TRIM58: variants seen among roughly 807,000 people sequenced by gnomAD.
TRIM58 encodes the protein E3 ubiquitin-protein ligase TRIM58.
In TRIM58, 38 loss-of-function variants were observed where a neutral mutation model predicts 34.1. The observed-to-expected ratio is 1.12, with a 90% CI of 0.86 to 1.46. The LOEUF is 1.46. Among genes scored for constraint, TRIM58 ranks in the 40% most tolerant of loss-of-function variants. TRIM58 has a pLI of 0.00. For missense variants in TRIM58, 677 were observed against 642.0 expected, an observed-to-expected ratio of 1.05 and a Z score of -0.59; for synonymous variants, 273 against 275.7, an observed-to-expected ratio of 0.99 and a Z score of 0.10.
chr1:247,864,348 T>A (rs555038308), intron 2 of TRIM58, among the ~76,000 whole-genome samples: 5 of 152,030 alleles, frequency 3.3e-5, no homozygotes, highest in African/African-American at 1.2e-4. Flanking sequence ...GCATTTTGCT[T>A]TGTTACCCAG....
intron 2 of TRIM58, among the ~76,000 whole-genome samples, chr1:247,861,073 C>G (rs552549445): frequency 5.5e-4 from 83 of 152,280 alleles, no homozygotes; most frequent in Middle Eastern, 3.4e-3. Flanking sequence ...AACTTTGTAA[C>G]AGAAGAAGTG....
intron 2 of TRIM58, among the ~76,000 whole-genome samples, chr1:247,863,549 T>TA (rs1037833756): frequency 1.0e-4 from 15 of 144,752 alleles, no homozygotes; most frequent in Non-Finnish European, 1.2e-4. Context: ...AAAAAAAGAT[T>TA]AAAAAAAAAA....
rs1051252964 is a variant in TRIM58 at position 247,879,752 on chromosome 1, C to T, written c.*3263C>T. On this transcript the variant is annotated 3_prime_UTR_variant, in exon 6 of 6. Transcript: ENST00000366481. ...TTCCCCGCCTGTGGCTTCTGCTTGA[C>T]ATTCCCTTTTCCCTGATATCCCCTT... Among the ~76,000 whole-genome samples, 4 of 151,448 alleles carry T rather than the reference C, an allele frequency of 2.6e-5. No homozygotes were observed. Among genetic ancestry groups the T allele is most frequent in the African/African-American group, 9.7e-5 (4 of 41,206 alleles).
chr1:247,863,997 A>G (rs889394877), intron 2 of TRIM58, among the ~76,000 whole-genome samples: 1 of 152,128 alleles, frequency 6.6e-6, no homozygotes, highest in African/African-American at 2.4e-5. Context: ...TCTTATTCAA[A>G]CAAACATTTC....
In TRIM58 at chr1:247,857,596, T is replaced by A; in HGVS notation, c.350T>A (p.Val117Glu). 2 of 1,261,688 alleles carry A rather than the reference T, an allele frequency of 1.6e-6. No homozygotes were observed. The highest frequency in any genetic ancestry group is 2.0e-6 in the Non-Finnish European group (2 of 1,007,062). The allele number at this position is 1,261,688 out of a possible 1,614,324, so 78.2% of individuals were successfully genotyped here. ...GAGGACGAGGCGGCGCTGTGCTGGG[T>A]GTGCGACGCCGGCCCCGAGCACAGG... ...CEEDEAALCW[V>E]CDAGPEHRTH... The change falls in exon 1 of 6, where the codon GTG (valine) becomes GAG (glutamate). Residue 117 changes from valine to glutamate, a missense_variant. Physicochemically the swap from Val to Glu is moderately radical, Grantham distance 121 (BLOSUM62 -2). Transcript: ENST00000366481.
rs541617941 is a variant in TRIM58 at position 247,877,837 on chromosome 1, T to C, written c.*1348T>C. 6.6e-6 allele frequency: 1 copy of C among 152,292 alleles called. No homozygotes were observed. Among genetic ancestry groups the C allele is most frequent in the African/African-American group, 2.4e-5 (1 of 41,564 alleles). 9.4% of individuals were successfully genotyped at this position (152,292 alleles called of 1,614,324 possible). On this transcript the variant is annotated 3_prime_UTR_variant, in exon 6 of 6. Transcript: ENST00000366481. The stretch of plus-strand genomic sequence containing the variant: ...GGTTAAAAGTCATTGAAGGCTAACC[T>C]TACTGCCTTCTTTGTATCACTGTCT...
At chr1:247,872,574 T>C (rs1659163391) in intron 5 of TRIM58, among the ~76,000 whole-genome samples, 1 of 152,172 alleles carries the variant, frequency 6.6e-6, no homozygotes, top group Non-Finnish European at 1.5e-5. Context: ...CGATGAGTGC[T>C]AAATATTCAA....
chr1:247,863,396 G>C (rs1214850568), intron 2 of TRIM58, among the ~76,000 whole-genome samples: 1 of 151,932 alleles, frequency 6.6e-6, no homozygotes, highest in Non-Finnish European at 1.5e-5. Context: ...AAATTAGCTG[G>C]GCATGGTGCT....
chr1:247,866,462 C>T (rs528376131), intron 3 of TRIM58, among the ~76,000 whole-genome samples: 2 of 152,310 alleles, frequency 1.3e-5, no homozygotes, highest in African/African-American at 4.8e-5. Context: ...GGATTAAAGG[C>T]GTGAGCCCCT....
rs1043128171 is a variant in TRIM58 at position 247,879,194 on chromosome 1, C to A, written c.*2705C>A. Reference sequence around the variant, plus strand: ...CAGGCTTCTCCCTGTCACTGGATGGCAACTCCATTCTTTTGATTGCTTAAG... The same window carrying A: ...CAGGCTTCTCCCTGTCACTGGATGGAAACTCCATTCTTTTGATTGCTTAAG... On this transcript the variant is annotated 3_prime_UTR_variant, in exon 6 of 6. Coordinates refer to ENST00000366481, the MANE Select transcript of TRIM58 (RefSeq NM_015431.4). Among the ~76,000 whole-genome samples the A allele has an allele frequency of 2.6e-5, 4 of 152,196 alleles. No individual in the cohort carries two copies. Among genetic ancestry groups the A allele is most frequent in the Non-Finnish European group, 5.9e-5 (4 of 68,032 alleles).
intron 1 of TRIM58, among the ~76,000 whole-genome samples, chr1:247,860,164 A>T (rs1233036518): frequency 1.3e-5 from 2 of 152,214 alleles, no homozygotes; most frequent in Non-Finnish European, 2.9e-5. Flanking sequence ...TGTATCTGGT[A>T]TTAAAATACA....
chr1:247,864,451 A>G (rs543813141), intron 2 of TRIM58, among the ~76,000 whole-genome samples: 6 of 152,244 alleles, frequency 3.9e-5, no homozygotes, highest in African/African-American at 1.4e-4. Flanking sequence ...TTCAGTATAA[A>G]AGTGCCTTGC....
chr1:247,861,160 A>T (rs1663783557), intron 2 of TRIM58, among the ~76,000 whole-genome samples: 2 of 152,090 alleles, frequency 1.3e-5, no homozygotes, highest in South Asian at 4.1e-4. Context: ...CTATACATAC[A>T]CATATTCCAT....
At chr1:247,865,377 A>G (rs1482716792) in intron 3 of TRIM58, among the ~76,000 whole-genome samples, 1 of 152,224 alleles carries the variant, frequency 6.6e-6, no homozygotes, top group Non-Finnish European at 1.5e-5. Context: ...CTGCTGGCTG[A>G]GAAGTAATTC....
At chr1:247,861,617 T>C (rs1391556005) in intron 2 of TRIM58, among the ~76,000 whole-genome samples, 7 of 152,090 alleles carry the variant, frequency 4.6e-5, no homozygotes. Context: ...TCCTATTCTT[T>C]CTCCTTTTCC....
At chr1:247,863,744 C>G (rs1259651051) in intron 2 of TRIM58, among the ~76,000 whole-genome samples, 1 of 152,154 alleles carries the variant, frequency 6.6e-6, no homozygotes, top group Non-Finnish European at 1.5e-5. Context: ...ATATACTTAT[C>G]TTGAGAGAAG....
In TRIM58 at chr1:247,860,725, T is replaced by C; in HGVS notation, c.516+13T>C. ...TGTCATTTGGAAGGTAAGACCATGT[T>C]GGGGCTTTAGGAGGCTTGCCTGTTT... On this transcript the variant is annotated intron_variant, in intron 2 of 5. Transcript: ENST00000366481. The C allele has an allele frequency of 6.2e-7, 1 of 1,603,816 alleles. No individual in the cohort carries two copies. Among genetic ancestry groups the C allele is most frequent in the Non-Finnish European group, 8.5e-7 (1 of 1,170,886 alleles).
intron 2 of TRIM58, among the ~76,000 whole-genome samples, chr1:247,862,350 G>T (rs1185842513): frequency 6.6e-6 from 1 of 152,170 alleles, no homozygotes; most frequent in Non-Finnish European, 1.5e-5. Context: ...AGTAGTGACA[G>T]TATAAGATGC....
At chr1:247,871,064 C>T (rs951007007) in intron 5 of TRIM58, among the ~76,000 whole-genome samples, 5 of 151,864 alleles carry the variant, frequency 3.3e-5, no homozygotes, top group African/African-American at 9.7e-5. Flanking sequence ...ATCAGAGTCA[C>T]GGCCACCCAT....
Sources: gnomAD v4.1 joint callset for allele counts (sites outside exome capture counted in the v4.1 genomes callset) on GRCh38, gnomAD v4.1.1 for gene constraint, MANE v1.5 for transcripts, NCBI Gene and HGNC (gene_info 2026-07-23, HGNC 2026-07-21) for gene names.